The following YAP1 variants were observed in gnomAD, a reference collection of about 807,000 sequenced individuals.
YAP1 encodes the protein Yes1 associated transcriptional regulator, also known as transcriptional coactivator YAP1.
Under a neutral mutation model 56.9 loss-of-function variants are expected in YAP1, and 5 were observed. That is an observed-to-expected ratio of 0.09 (90% CI 0.05 to 0.18). YAP1 has a LOEUF of 0.18. YAP1 is among the 10% of genes least tolerant of loss of function. The pLI, the probability that YAP1 is intolerant of heterozygous loss-of-function variation, is 1.00. For missense variants in YAP1, 539 were observed against 651.8 expected (o/e 0.83, Z 1.88); for synonymous variants, 265 against 248.1 (o/e 1.07, Z -0.64).
chr11:102,229,448 A>T lies in YAP1; in HGVS notation c.1277-254A>T, dbSNP rs1452101023. Among the ~76,000 whole-genome samples the T allele has an allele frequency of 1.3e-5, 2 of 151,924 alleles. No homozygotes were observed. Among genetic ancestry groups the T allele is most frequent in the East Asian group, 3.9e-4 (2 of 5,174 alleles). On this transcript the variant is annotated intron_variant, in intron 8 of 8. Coordinates refer to ENST00000282441, the MANE Select transcript of YAP1 (RefSeq NM_001130145.3). Reference sequence around the variant, plus strand: ...TTTCAAGGGCTTTTTTATTTTTTTCATGACTCCTTTAGTGCTCAGCACATA... The same window carrying T: ...TTTCAAGGGCTTTTTTATTTTTTTCTTGACTCCTTTAGTGCTCAGCACATA...
At chr11:102,204,046 A>G (rs1485579652) in intron 4 of YAP1, among the ~76,000 whole-genome samples, 1 of 152,028 alleles carries the variant, frequency 6.6e-6, no homozygotes, top group Non-Finnish European at 1.5e-5. Flanking sequence ...GGTCTGTAAT[A>G]TTCCTCTCTT....
chr11:102,144,334 A>G (rs1253828443), intron 2 of YAP1, among the ~76,000 whole-genome samples: 2 of 152,222 alleles, frequency 1.3e-5, no homozygotes, highest in Non-Finnish European at 2.9e-5. Context: ...AGTAAAGTAC[A>G]TATTCAATTG....
rs1349723308 is a variant in YAP1 at position 102,222,145 on chromosome 11, G to A, written c.1033-1477G>A. The stretch of plus-strand genomic sequence containing the variant: ...CTAGGAGAAGCTTTCCATACTTCAG[G>A]ACCCCATGGCGATTGTGGAGGTGAG... On this transcript the variant is annotated intron_variant, in intron 6 of 8. Coordinates refer to ENST00000282441, the MANE Select transcript of YAP1 (RefSeq NM_001130145.3). 1.3e-5 allele frequency among the ~76,000 whole-genome samples: 2 copies of A among 152,128 alleles called. 1 individual carries two copies.
chr11:102,162,621 G>GT, intron 3 of YAP1, 50 bp downstream of exon 3: 1 of 1,558,446 alleles, frequency 6.4e-7, no homozygotes, highest in African/African-American at 1.4e-5. Flanking sequence ...TTACGCATTG[G>GT]TAAAAGTTGA....
intron 2 of YAP1, among the ~76,000 whole-genome samples, chr11:102,122,916 A>G (rs978045622): frequency 7.1e-6 from 1 of 141,288 alleles, no homozygotes; most frequent in Non-Finnish European, 1.6e-5. Flanking sequence ...AAAAAAAAAA[A>G]GCAAAGAAAA....
intron 2 of YAP1, among the ~76,000 whole-genome samples, chr11:102,158,496 G>C (rs1339683583): frequency 6.6e-6 from 1 of 152,162 alleles, no homozygotes; most frequent in Non-Finnish European, 1.5e-5. Context: ...TTCATCAGTG[G>C]GTTGGGTGGA....
chr11:102,207,453 A>T lies in YAP1; in HGVS notation c.984+1379A>T, dbSNP rs577209785. On this transcript the variant is annotated intron_variant, in intron 5 of 8. Transcript: ENST00000282441. Reference sequence around the variant, plus strand: ...ATGCCTCTAATCCCAACACTTTGGGAGGCCGAGGCAGGAGGTTTGCTTGAG... The same window carrying T: ...ATGCCTCTAATCCCAACACTTTGGGTGGCCGAGGCAGGAGGTTTGCTTGAG... 2.0e-5 allele frequency among the ~76,000 whole-genome samples: 3 copies of T among 151,918 alleles called. No individual in the cohort carries two copies. In the South Asian group the frequency reaches 6.2e-4, roughly 32 times the overall value.
intron 3 of YAP1, among the ~76,000 whole-genome samples, chr11:102,183,872 C>T (rs1023327264): frequency 6.6e-6 from 1 of 151,762 alleles, no homozygotes; most frequent in East Asian, 1.9e-4. Context: ...GTCAGGAGAT[C>T]GAGACCATCC....
At chr11:102,161,127 C>T (rs1398818905) in intron 2 of YAP1, among the ~76,000 whole-genome samples, 1 of 127,264 alleles carries the variant, frequency 7.9e-6, no homozygotes, top group African/African-American at 3.0e-5. Context: ...GTGGTGCCAT[C>T]TCGGCTCACT....
intron 4 of YAP1, among the ~76,000 whole-genome samples, chr11:102,187,618 G>A (rs1385439865): frequency 6.6e-6 from 1 of 152,090 alleles, no homozygotes; most frequent in South Asian, 2.1e-4. Flanking sequence ...CTGACATAAG[G>A]TTATGAAAGA....
Position 102,111,010 on chromosome 11 carries a change from C to A in YAP1, c.162C>A (p.Ile54=). 1 of 1,594,044 alleles carries A rather than the reference C, an allele frequency of 6.3e-7. No homozygotes were observed. Among genetic ancestry groups the A allele is most frequent in the Non-Finnish European group, 8.5e-7 (1 of 1,171,596 alleles). Residue 54 remains isoleucine (I), a synonymous_variant, in exon 1 of 9, where the codon ATC becomes ATA. Transcript: ENST00000282441. The part of the protein sequence containing the change: ...APQAPPAGHQ[I]VHVRGDSETD... ...AGGCACCCCCCGCCGGGCATCAGAT[C>A]GTGCACGTCCGCGGGGACTCGGAGA...
intron 2 of YAP1, among the ~76,000 whole-genome samples, chr11:102,139,204 A>G (rs1276944647): frequency 6.7e-6 from 1 of 150,116 alleles, no homozygotes; most frequent in Non-Finnish European, 1.5e-5. Flanking sequence ...GATTAGCAGG[A>G]TATTCCTAGT....
chr11:102,184,661 G>C (rs1565242411), intron 3 of YAP1, among the ~76,000 whole-genome samples: 2 of 152,226 alleles, frequency 1.3e-5, no homozygotes, highest in Admixed American at 6.5e-5. Flanking sequence ...CATGGGCCTT[G>C]TGTGAGTGGT....
chr11:102,163,575 G>T (rs1946424256), intron 3 of YAP1, among the ~76,000 whole-genome samples: 1 of 152,212 alleles, frequency 6.6e-6, no homozygotes, highest in Non-Finnish European at 1.5e-5. Flanking sequence ...TCAGGACACA[G>T]ATGGCAACAA....
rs372975779 is a variant in YAP1 at position 102,162,516 on chromosome 11, C to T, written c.633C>T (p.Asn211=). The T allele has an allele frequency of 3.7e-5, 59 of 1,614,184 alleles. No individual in the cohort carries two copies. The African/African-American group carries it at 3.7e-4, about 10-fold the overall frequency. The change falls in exon 3 of 9, where the codon AAC becomes AAT. Residue 211 remains asparagine, a synonymous_variant. Coordinates refer to ENST00000282441, the MANE Select transcript of YAP1 (RefSeq NM_001130145.3). The part of the protein sequence containing the change: ...DPRKAMLSQM[N]VTAPTSPPVQ... ...GGAAGGCCATGCTGTCCCAGATGAACGTCACAGCCCCCACCAGTCCACCAG... is the reference window on the plus strand; with the variant it reads ...GGAAGGCCATGCTGTCCCAGATGAATGTCACAGCCCCCACCAGTCCACCAG...
chr11:102,183,578 C>G (rs935409843), intron 3 of YAP1, among the ~76,000 whole-genome samples: 1 of 151,898 alleles, frequency 6.6e-6, no homozygotes. Context: ...GCAGACCCAT[C>G]GGAGAGAATA....
intron 3 of YAP1, among the ~76,000 whole-genome samples, chr11:102,177,905 A>T (rs574925217): frequency 6.6e-6 from 1 of 152,214 alleles, no homozygotes; most frequent in African/African-American, 2.4e-5. Context: ...AAAGAGGATT[A>T]AAAAAATATG....
chr11:102,170,279 A>G (rs897054909), intron 3 of YAP1, among the ~76,000 whole-genome samples: 1 of 152,206 alleles, frequency 6.6e-6, no homozygotes, highest in African/African-American at 2.4e-5. Context: ...CACATTCATT[A>G]TGCTGAGATG....
intron 3 of YAP1, among the ~76,000 whole-genome samples, chr11:102,167,023 C>T (rs1946653288): frequency 6.6e-6 from 1 of 152,120 alleles, no homozygotes; most frequent in African/African-American, 2.4e-5. Flanking sequence ...CAAAAATGAT[C>T]AGTATAATTA....
Sources: gnomAD v4.1 joint callset for allele counts (sites outside exome capture counted in the v4.1 genomes callset) on GRCh38, gnomAD v4.1.1 for gene constraint, MANE v1.5 for transcripts, NCBI Gene and HGNC (gene_info 2026-07-23, HGNC 2026-07-21) for gene names.